OOEP: variants seen among roughly 807,000 people sequenced by gnomAD.
OOEP encodes oocyte-expressed protein homolog.
In OOEP, 16 loss-of-function variants were observed where a neutral mutation model predicts 13.7. That is an observed-to-expected ratio of 1.16 (90% CI 0.79 to 1.77). The LOEUF is 1.77. Ranked by LOEUF, OOEP falls within the 40% of genes most tolerant of loss-of-function variation. The probability of loss-of-function intolerance (pLI) is 0.00; values close to 1 mark genes in which losing one functional copy is unlikely to be tolerated. For missense variants in OOEP, 195 were observed against 193.1 expected, an observed-to-expected ratio of 1.01 and a Z score of -0.06; for synonymous variants, 89 against 77.1, an observed-to-expected ratio of 1.15 and a Z score of -0.81.
intron 2 of OOEP, among the ~76,000 whole-genome samples, chr6:73,387,995 A>C (rs1769298263): frequency 6.6e-6 from 1 of 152,122 alleles, no homozygotes; most frequent in Non-Finnish European, 1.5e-5. Context: ...TCAGTGCCTC[A>C]GCCATCCGAT....
At chr6:73,390,739 G>C (rs9446894) in intron 2 of OOEP, among the ~76,000 whole-genome samples, 20,155 of 150,508 alleles carry the variant, frequency 0.13, 1,682 homozygotes, top group Non-Finnish European at 0.19. Flanking sequence ...ACCATGCCCA[G>C]CTAATTTTTT....
In OOEP at chr6:73,368,697, G is replaced by A; in HGVS notation, c.*87C>T. Reference sequence around the variant, plus strand: ...CAAGACACAGGAAAAAGGAATACGGGGATTTAAGAATGCTATACTTGCTTT... The same window carrying A: ...CAAGACACAGGAAAAAGGAATACGGAGATTTAAGAATGCTATACTTGCTTT... On this transcript the variant is annotated 3_prime_UTR_variant, in exon 3 of 3. Transcript: ENST00000370359. 1 of 845,784 alleles carries A rather than the reference G, an allele frequency of 1.2e-6. No individual in the cohort carries two copies. The highest frequency in any genetic ancestry group is 1.4e-5 in the South Asian group (1 of 69,786). 52.4% of individuals were successfully genotyped at this position (845,784 alleles called of 1,614,324 possible).
At chr6:73,376,842 A>G (rs901831536) in intron 2 of OOEP, among the ~76,000 whole-genome samples, 2 of 152,012 alleles carry the variant, frequency 1.3e-5, no homozygotes, top group Admixed American at 1.3e-4. Flanking sequence ...AGTAGAGAAG[A>G]GGTTTCACCA....
exon 1 of OOEP, chr6:73,395,010 G>C: frequency 1.2e-6 from 2 of 1,614,262 alleles, no homozygotes; most frequent in South Asian, 1.1e-5. Context: ...CGGAGGAGTT[G>C]AATCGAACAG....
At chr6:73,371,412 G>C (rs575357510), upstream of OOEP, among the ~76,000 whole-genome samples, 2 of 152,188 alleles carry the variant, frequency 1.3e-5, no homozygotes, top group Admixed American at 1.3e-4. Context: ...AGACCAGCCT[G>C]ACCAACATGG....
At chr6:73,393,096 T>C (rs568105336) in intron 2 of OOEP, among the ~76,000 whole-genome samples, 1 of 151,566 alleles carries the variant, frequency 6.6e-6, no homozygotes, top group Admixed American at 6.6e-5. Context: ...TGATGGATGA[T>C]TGAACTGAAA....
chr6:73,374,657 A>C (rs1455353470), upstream of OOEP, among the ~76,000 whole-genome samples: 1 of 152,152 alleles, frequency 6.6e-6, no homozygotes, highest in Non-Finnish European at 1.5e-5. Context: ...CCTAGGCTCC[A>C]GCAACCCTCC....
exon 1 of OOEP, chr6:73,394,958 G>A (rs1000530045): frequency 1.9e-6 from 3 of 1,614,246 alleles, no homozygotes; most frequent in Admixed American, 1.7e-5. Flanking sequence ...GTTGCTAGTC[G>A]GCGAAGCTCG....
chr6:73,379,653 A>AG lies in OOEP; in HGVS notation c.26-10269_26-10268insC, dbSNP rs1324090109. ...GACTCTATCTCAAAAAAAAAAAAAA[A>AG]AAAAAAAAGTGGCCTTATTTTACAT... On this transcript the variant is annotated intron_variant, in intron 2 of 3. Transcript: ENST00000370363. Among the ~76,000 whole-genome samples, 17 of 136,582 alleles carry AG rather than the reference A, an allele frequency of 1.2e-4. 3 individuals carry two copies. The highest frequency in any genetic ancestry group is 3.5e-4 in the African/African-American group (13 of 36,926). 89.6% of individuals were successfully genotyped at this position (136,582 alleles called of 152,430 possible).
Position 73,369,848 on chromosome 6 carries a change from A to G in OOEP, c.-56T>C, listed in dbSNP as rs1769020052. The G allele has an allele frequency of 6.6e-7, 1 of 1,513,866 alleles. No homozygotes were observed. The highest frequency in any genetic ancestry group is 2.3e-5 in the East Asian group (1 of 44,154). The allele number at this position is 1,513,866 out of a possible 1,614,324, so 93.8% of individuals were successfully genotyped here. A position where few individuals can be genotyped will look rare whatever the true frequency, so the allele number is the denominator to read the frequency against. On this transcript the variant is annotated 5_prime_UTR_variant, in exon 1 of 3. Transcript: ENST00000370359. ...AGGCGGCTTTCGCAAGACCTCTTCC[A>G]GACCCAGGCGCGAAGCTCGGGCTCT...
upstream of OOEP, among the ~76,000 whole-genome samples, chr6:73,372,514 C>T (rs1240286875): frequency 3.3e-5 from 5 of 152,206 alleles, no homozygotes; most frequent in East Asian, 5.8e-4. Context: ...GAATCTGATT[C>T]GCAAGTGTTG....
chr6:73,393,078 A>T (rs1431471966), intron 2 of OOEP, among the ~76,000 whole-genome samples: 1 of 151,344 alleles, frequency 6.6e-6, no homozygotes, highest in Non-Finnish European at 1.5e-5. Flanking sequence ...CCTGGTGTCC[A>T]CTGTGTTTGA....
upstream of OOEP, chr6:73,373,326 CT>C (rs1049344389): frequency 1.4e-6 from 2 of 1,476,442 alleles, no homozygotes; most frequent in Non-Finnish European, 1.9e-6. Flanking sequence ...TCCTTCTCTT[CT>C]TTTGTTTTCT....
At chr6:73,377,752 C>T (rs1391923374) in intron 2 of OOEP, among the ~76,000 whole-genome samples, 1 of 152,166 alleles carries the variant, frequency 6.6e-6, no homozygotes, top group Non-Finnish European at 1.5e-5. Flanking sequence ...ACTGTAGCCT[C>T]GACCGTCTGG....
chr6:73,394,802 A>G, exon 1 of OOEP: 2 of 1,521,128 alleles, frequency 1.3e-6, no homozygotes, highest in Non-Finnish European at 1.8e-6. Flanking sequence ...GGGCTCCTTA[A>G]GTAGCGGCTG....
At position 73,369,335 on chromosome 6, in the gene OOEP, G is replaced by C. The variant is rs375773200; in HGVS notation, c.241C>G (p.Leu81Val). 8.7e-5 allele frequency: 141 copies of C among 1,613,700 alleles called. No individual in the cohort carries two copies. Among genetic ancestry groups the C allele is most frequent in the Admixed American group, 5.0e-5 (3 of 59,974 alleles). Reference sequence around the variant, plus strand: ...CCTGAGTCCACTATGTCCACTGTCAGCAGGGCCTGGCTCGTCCACTCCATT... The same window carrying C: ...CCTGAGTCCACTATGTCCACTGTCACCAGGGCCTGGCTCGTCCACTCCATT... ...PEMEWTSQALLTVDIVDSGNL... is the reference protein window; with the variant it reads ...PEMEWTSQALVTVDIVDSGNL... The change falls in exon 2 of 3, where the codon CTG becomes GTG. Residue 81 changes from leucine (L) to valine (V), a missense_variant. Coordinates refer to ENST00000370359, the MANE Select transcript of OOEP (RefSeq NM_001080507.3).
At chr6:73,394,417 G>A (rs1425000906) in exon 2 of OOEP, 4 of 712,996 alleles carry the variant, frequency 5.6e-6, no homozygotes. Context: ...GGGAGGCCGA[G>A]GCTGGAAGAT....
chr6:73,378,149 T>C (rs1364338408), intron 2 of OOEP, among the ~76,000 whole-genome samples: 1 of 151,528 alleles, frequency 6.6e-6, no homozygotes, highest in Non-Finnish European at 1.5e-5. Context: ...GACACCCAGA[T>C]TGGAGTGCAG....
chr6:73,379,383 G>A (rs1769171985), intron 2 of OOEP, among the ~76,000 whole-genome samples: 3 of 150,742 alleles, frequency 2.0e-5, no homozygotes, highest in South Asian at 2.1e-4. Context: ...GGTGGCTCAC[G>A]CCTGTAATCC....
Sources: allele counts gnomAD v4.1 joint callset (sites outside exome capture counted in the v4.1 genomes callset), GRCh38; gene constraint gnomAD v4.1.1; transcripts MANE v1.5; gene names NCBI Gene and HGNC (gene_info 2026-07-23, HGNC 2026-07-21).